HDAC1: variants seen among roughly 807,000 people sequenced by gnomAD.
The protein encoded by HDAC1 is histone deacetylase 1.
A neutral mutation model predicts 65.5 loss-of-function variants in HDAC1; 18 were observed. The ratio of observed to expected loss-of-function variants is 0.27; its 90% CI spans 0.19 to 0.41. The LOEUF (loss-of-function observed/expected upper bound fraction) is 0.41, where lower values mean the gene tolerates loss of function less well. Ranked by LOEUF, HDAC1 falls within the 10% of genes least tolerant of loss-of-function variation. The pLI, the probability that HDAC1 is intolerant of heterozygous loss-of-function variation, is 1.00. For missense variants in HDAC1, 373 were observed against 625.2 expected, an observed-to-expected ratio of 0.60 and a Z score of 4.30; for synonymous variants, 211 against 227.9, an observed-to-expected ratio of 0.93 and a Z score of 0.67.
chr1:32,297,488 G>A (rs1015908990), intron 1 of HDAC1, among the ~76,000 whole-genome samples: 1 of 152,124 alleles, frequency 6.6e-6, no homozygotes, highest in African/African-American at 2.4e-5. Context: ...TTTGAGCCCA[G>A]GTGGAGCCTG....
chr1:32,319,298 G>A (rs1641108354), intron 3 of HDAC1, among the ~76,000 whole-genome samples: 1 of 152,032 alleles, frequency 6.6e-6, no homozygotes, highest in South Asian at 2.1e-4. Context: ...ATCAGAAATG[G>A]GGGCAGGAAG....
rs780146355 is a variant in HDAC1 at position 32,332,732 on chromosome 1, G to A, written c.1404G>A (p.Glu468=). 1.9e-6 allele frequency: 3 copies of A among 1,555,092 alleles called. No homozygotes were observed. Among genetic ancestry groups the A allele is most frequent in the Non-Finnish European group, 2.6e-6 (3 of 1,148,792 alleles). The change falls in exon 13 of 14, where the codon GAG becomes GAA. Residue 468 remains glutamate (E), a synonymous_variant. Transcript: ENST00000373548. ...EVTEEEKTKE[E]KPEAKGVKEE... is the part of the protein sequence containing the mutation. ...CCGAAGAGGAGAAAACCAAGGAGGA[G>A]AAGCCAGAAGCCAAAGGGTGAGGAA...
At chr1:32,298,939 A>G (rs1292335173) in intron 1 of HDAC1, among the ~76,000 whole-genome samples, 3 of 152,206 alleles carry the variant, frequency 2.0e-5, no homozygotes, top group Non-Finnish European at 2.9e-5. Flanking sequence ...CAGAGGTTGC[A>G]GTGAGCCTGA....
chr1:32,318,366 G>T (rs1641092757), intron 3 of HDAC1, among the ~76,000 whole-genome samples: 1 of 152,276 alleles, frequency 6.6e-6, no homozygotes, highest in Non-Finnish European at 1.5e-5. Context: ...TTTGAGACCA[G>T]CCTGGGCAAC....
At chr1:32,323,783 G>A (rs1010296103) in intron 3 of HDAC1, among the ~76,000 whole-genome samples, 1 of 152,192 alleles carries the variant, frequency 6.6e-6, no homozygotes, top group South Asian at 2.1e-4. Flanking sequence ...AACGCATGTA[G>A]CGCAGTGTCT....
At chr1:32,310,133 C>A (rs537063420) in intron 2 of HDAC1, among the ~76,000 whole-genome samples, 1 of 152,194 alleles carries the variant, frequency 6.6e-6, no homozygotes, top group African/African-American at 2.4e-5. Context: ...TCCCTCATGG[C>A]AGCCATCAGC....
intron 6 of HDAC1, among the ~76,000 whole-genome samples, chr1:32,328,464 G>A (rs904169954): frequency 2.6e-5 from 4 of 152,158 alleles, no homozygotes; most frequent in African/African-American, 9.7e-5. Flanking sequence ...GGGATTATAA[G>A]TGCGTGCAAC....
chr1:32,299,562 G>A (rs573792930), intron 1 of HDAC1, among the ~76,000 whole-genome samples: 6 of 152,318 alleles, frequency 3.9e-5, no homozygotes, highest in East Asian at 1.9e-4. Context: ...AGGCTTGATA[G>A]GCAAGGGAGT....
intron 2 of HDAC1, among the ~76,000 whole-genome samples, chr1:32,304,938 C>T (rs905583956): frequency 3.9e-5 from 6 of 152,100 alleles, no homozygotes; most frequent in African/African-American, 1.4e-4. Context: ...TGTCAAACCC[C>T]TGGCCTCAAG....
At chr1:32,301,821 G>A (rs1180058461) in intron 1 of HDAC1, among the ~76,000 whole-genome samples, 1 of 152,186 alleles carries the variant, frequency 6.6e-6, no homozygotes, top group Non-Finnish European at 1.5e-5. Flanking sequence ...ATTATTAAAT[G>A]TTGAGACCCA....
In HDAC1 at chr1:32,300,253, G is replaced by T. The variant is rs554520063; in HGVS notation, c.50-2368G>T. 1.2e-4 allele frequency among the ~76,000 whole-genome samples: 18 copies of T among 152,040 alleles called. No individual in the cohort carries two copies. The South Asian group carries it at 3.3e-3, about 28-fold the overall frequency. The stretch of plus-strand genomic sequence containing the variant: ...GCATATTAATCCTTGCCTTCAAGGG[G>T]TACCCAGTCTTGTGGATATAGTCAT... On this transcript the variant is annotated intron_variant, in intron 1 of 13. Coordinates refer to ENST00000373548, the MANE Select transcript of HDAC1 (RefSeq NM_004964.3).
rs531930947 is a variant in HDAC1 at position 32,299,255 on chromosome 1, C to T, written c.50-3366C>T. On this transcript the variant is annotated intron_variant, in intron 1 of 13. Transcript: ENST00000373548. ...AATGTGTATAGGAATACACACAGCACGGGTTGGCAAACTAATTAAAAACTG... is the reference window on the plus strand; with the variant it reads ...AATGTGTATAGGAATACACACAGCATGGGTTGGCAAACTAATTAAAAACTG... Among the ~76,000 whole-genome samples, 5 of 152,062 alleles carry T rather than the reference C, an allele frequency of 3.3e-5. No homozygotes were observed. The South Asian group carries it at 1.0e-3, about 32-fold the overall frequency.
rs1641260071 is a variant in HDAC1, at chr1:32,329,258, A to C, written c.729+98A>C. On this transcript the variant is annotated intron_variant, in intron 7 of 13. Transcript: ENST00000373548. The surrounding 1 kb of genome is among the most constrained non-coding windows in gnomAD (Gnocchi z 4.1). ...CACCATACCTCAGGAATCTCTCCTT[A>C]CTAAAGCTGGTGGGGAGATAGAAGT... is the stretch of plus-strand genomic sequence containing the variant. 1 of 793,006 alleles carries C rather than the reference A, an allele frequency of 1.3e-6. No homozygotes were observed. Among genetic ancestry groups the C allele is most frequent in the African/African-American group, 1.7e-5 (1 of 59,360 alleles). The allele number at this position is 793,006 out of a possible 1,614,324, so 49.1% of individuals were successfully genotyped here. A position where few individuals can be genotyped will look rare whatever the true frequency, so the allele number is the denominator to read the frequency against.
chr1:32,330,166 ACT>A lies in HDAC1; in HGVS notation c.730-409_730-408del. Reference sequence around the variant, plus strand: ...GTGGTCTCGGTCTCAGTAACGTTAGACTCTGCTTGTGAGAATAAGATAAACTA... The same window carrying A: ...GTGGTCTCGGTCTCAGTAACGTTAGACTGCTTGTGAGAATAAGATAAACTA... On this transcript the variant is annotated intron_variant, in intron 7 of 13. Coordinates refer to ENST00000373548, the MANE Select transcript of HDAC1 (RefSeq NM_004964.3). This position sits in a 1 kb window ranked among gnomAD's most constrained non-coding sequence, Gnocchi z 4.2. The A allele has an allele frequency of 5.0e-6, 1 of 198,312 alleles. No individual in the cohort carries two copies. The highest frequency in any genetic ancestry group is 1.3e-4 in the East Asian group (1 of 7,726). The allele number at this position is 198,312 out of a possible 1,614,324, so 12.3% of individuals were successfully genotyped here.
At chr1:32,298,088 C>CT (rs1162166409) in intron 1 of HDAC1, among the ~76,000 whole-genome samples, 11,398 of 113,580 alleles carry the variant, frequency 0.1, 638 homozygotes, top group East Asian at 0.13. Context: ...CGCGCCCGGC[C>CT]TTTTTTTTTT....
chr1:32,302,150 C>A (rs1640857080), intron 1 of HDAC1, among the ~76,000 whole-genome samples: 1 of 151,978 alleles, frequency 6.6e-6, no homozygotes, highest in South Asian at 2.1e-4. Context: ...ATAATAATAC[C>A]CCCTGTCCTA....
intron 1 of HDAC1, among the ~76,000 whole-genome samples, chr1:32,292,938 A>T (rs538816798): frequency 6.6e-6 from 1 of 152,260 alleles, no homozygotes; most frequent in African/African-American, 2.4e-5. Flanking sequence ...CTTAGTTAGG[A>T]CCTGAAGAAC....
chr1:32,316,900 C>T (rs1301197964), intron 3 of HDAC1, 118 bp downstream of exon 3: 2 of 714,914 alleles, frequency 2.8e-6, no homozygotes, highest in Non-Finnish European at 5.1e-6. Flanking sequence ...ATTTCCCCTA[C>T]CTCCTAAAGG....
Position 32,331,801 on chromosome 1 carries a change from T to C in HDAC1, c.1214T>C (p.Ile405Thr). The C allele has an allele frequency of 6.2e-7, 1 of 1,610,174 alleles. No individual in the cohort carries two copies. Among genetic ancestry groups the C allele is most frequent in the Non-Finnish European group, 8.5e-7 (1 of 1,178,042 alleles). Reference protein sequence around the residue: ...DEDEDDPDKRISICSSDKRIA... With the variant: ...DEDEDDPDKRTSICSSDKRIA... ...GACGAAGACGACCCTGACAAGCGCATCTCGAGTGAGACCCAGACCTAGAGC... is the reference window on the plus strand; with the variant it reads ...GACGAAGACGACCCTGACAAGCGCACCTCGAGTGAGACCCAGACCTAGAGC... The change falls in exon 11 of 14, where the codon ATC (isoleucine) becomes ACC (threonine). Residue 405 changes from isoleucine (I) to threonine (T), a missense_variant. This residue lies in a region of HDAC1 where 126 missense variants were observed against 126.2 expected (regional missense o/e 1.00). Coordinates refer to ENST00000373548, the MANE Select transcript of HDAC1 (RefSeq NM_004964.3). This position sits in a 1 kb window ranked among gnomAD's most constrained non-coding sequence, Gnocchi z 4.2.
Sources: allele counts gnomAD v4.1 joint callset (sites outside exome capture counted in the v4.1 genomes callset), GRCh38; gene constraint gnomAD v4.1.1; regional missense constraint gnomAD v4.1.1; non-coding constraint Gnocchi (gnomAD v3.1); transcripts MANE v1.5; gene names NCBI Gene and HGNC (gene_info 2026-07-23, HGNC 2026-07-21).